Variants in ARHGAP45 observed in about 807,000 individuals in gnomAD.
The protein encoded by ARHGAP45 is rho GTPase-activating protein 45.
In ARHGAP45, 56 loss-of-function variants were observed where a neutral mutation model predicts 116.1. The ratio of observed to expected loss-of-function variants is 0.48; its 90% CI spans 0.39 to 0.60. The LOEUF is 0.60. Among genes scored for constraint, ARHGAP45 ranks in the 20% least tolerant of loss-of-function variants. The pLI, the probability that ARHGAP45 is intolerant of heterozygous loss-of-function variation, is 0.00. For synonymous variants in ARHGAP45, 866 were observed against 701.7 expected, an observed-to-expected ratio of 1.23 and a Z score of -3.70; for missense variants, 1,622 against 1,601.0, an observed-to-expected ratio of 1.01 and a Z score of -0.22.
rs2043200599 is a variant in ARHGAP45, at chr19:1,074,529, G to A, written c.994-85G>A. 4.2e-6 allele frequency: 6 copies of A among 1,413,098 alleles called. No individual in the cohort carries two copies. The South Asian group carries it at 5.5e-5, about 13-fold the overall frequency. 87.5% of individuals were successfully genotyped at this position (1,413,098 alleles called of 1,614,324 possible). On this transcript the variant is annotated intron_variant, in intron 8 of 22. Transcript: ENST00000313093. ...CTCTACATTAACGGGGGTGGCTGCA[G>A]GGACCAGGGAGCTGGTGGCTGGGGG...
At chr19:1,075,546 G>C (rs2043230034) in intron 10 of ARHGAP45, among the ~76,000 whole-genome samples, 1 of 152,032 alleles carries the variant, frequency 6.6e-6, no homozygotes, top group Non-Finnish European at 1.5e-5. Flanking sequence ...CACCCACCCG[G>C]CCTCCTGCCT....
intron 22 of ARHGAP45, among the ~76,000 whole-genome samples, chr19:1,084,560 C>T (rs1411907375): frequency 6.6e-6 from 1 of 152,240 alleles, no homozygotes; most frequent in Non-Finnish European, 1.5e-5. Flanking sequence ...TTTGAGGTGC[C>T]TACCCCGCAC....
intron 11 of ARHGAP45, among the ~76,000 whole-genome samples, chr19:1,078,437 C>G (rs1403392996): frequency 2.7e-5 from 4 of 146,280 alleles, no homozygotes; most frequent in African/African-American, 1.0e-4. Context: ...GCCACTGCGC[C>G]CGGCCAATTT....
Position 1,086,036 on chromosome 19 carries a change from TTC to T in ARHGAP45, c.*36_*37del, listed in dbSNP as rs3834649. 3.3e-4 allele frequency: 521 copies of T among 1,578,076 alleles called. 1 individual carries two copies. The East Asian group carries it at 0.01, about 32-fold the overall frequency. On this transcript the variant is annotated 3_prime_UTR_variant, in exon 23 of 23. Coordinates refer to ENST00000313093, the MANE Select transcript of ARHGAP45 (RefSeq NM_012292.5). ...GGGTGGGGCTGGGACCACAGGTGGC[TTC>T]TCTCTTGCCTGCTCCTGTCCCTCCA...
In ARHGAP45 at chr19:1,068,451, C is replaced by G. The variant is rs867406968; in HGVS notation, c.128C>G (p.Pro43Arg). The G allele has an allele frequency of 2.5e-6, 4 of 1,580,338 alleles. No homozygotes were observed. In the African/African-American group the frequency reaches 5.4e-5, roughly 21 times the overall value. ...AAGGATGGGGCTGACGCGGTGTTCC[C>G]CGGACCAAGCCTGGAGCCGCCCGCT... ...PRKDGADAVFPGPSLEPPAGS... is the reference protein window; with the variant it reads ...PRKDGADAVFRGPSLEPPAGS... The change falls in exon 2 of 23, where the codon CCC becomes CGC. Residue 43 changes from proline to arginine, a missense_variant. Around this residue, in one of 3 missense-constraint regions of ARHGAP45, gnomAD observed 279 missense variants for 311.9 expected, o/e 0.89. Coordinates refer to ENST00000313093, the MANE Select transcript of ARHGAP45 (RefSeq NM_012292.5). This position sits in a 1 kb window ranked among gnomAD's most constrained non-coding sequence, Gnocchi z 7.5.
chr19:1,073,947 G>C lies in ARHGAP45; in HGVS notation c.724-1G>C, dbSNP rs1374873145. 1 of 1,572,288 alleles carries C rather than the reference G, an allele frequency of 6.4e-7. No individual in the cohort carries two copies. The highest frequency in any genetic ancestry group is 8.6e-7 in the Non-Finnish European group (1 of 1,159,668). Reference sequence around the variant, plus strand: ...GTCTCACCTGCGTCTCCGTCCTACAGTCCATGGAAAGCCTGTATGGACCGG... The same window carrying C: ...GTCTCACCTGCGTCTCCGTCCTACACTCCATGGAAAGCCTGTATGGACCGG... On this transcript the variant is annotated splice_acceptor_variant, in intron 5 of 22. Transcript: ENST00000313093. LOFTEE classifies it high-confidence loss of function.
intron 11 of ARHGAP45, among the ~76,000 whole-genome samples, chr19:1,078,321 T>C (rs536414470): frequency 2.0e-5 from 3 of 151,810 alleles, no homozygotes; most frequent in Non-Finnish European, 4.4e-5. Context: ...TTTTTTGTAT[T>C]TTTAGTAGAG....
intron 10 of ARHGAP45, chr19:1,077,229 C>T (rs916487711): frequency 9.1e-6 from 9 of 985,338 alleles, no homozygotes; most frequent in Non-Finnish European, 1.1e-5. Flanking sequence ...GAGACGCTCC[C>T]GTGGGGGCTG....
rs1305593401 is a variant in ARHGAP45, at chr19:1,071,174, C to A, written c.422-1975C>A. 7.5e-7 allele frequency: 1 copy of A among 1,338,994 alleles called. No individual in the cohort carries two copies. Among genetic ancestry groups the A allele is most frequent in the Non-Finnish European group, 9.6e-7 (1 of 1,046,704 alleles). 82.9% of individuals were successfully genotyped at this position (1,338,994 alleles called of 1,614,324 possible). A position where few individuals can be genotyped will look rare whatever the true frequency, so the allele number is the denominator to read the frequency against. Reference sequence around the variant, plus strand: ...GAACGGGACCCCAGGGCGGGGTTTCCCTCGCGGGGGCGGGGCCTCCTGACC... The same window carrying A: ...GAACGGGACCCCAGGGCGGGGTTTCACTCGCGGGGGCGGGGCCTCCTGACC... On this transcript the variant is annotated intron_variant, in intron 2 of 22. Coordinates refer to ENST00000313093, the MANE Select transcript of ARHGAP45 (RefSeq NM_012292.5). The surrounding 1 kb of genome is among the most constrained non-coding windows in gnomAD (Gnocchi z 4.6).
chr19:1,079,903 C>CA, intron 12 of ARHGAP45, 25 bp from the exon 13 acceptor site: 4 of 1,600,026 alleles, frequency 2.5e-6, no homozygotes, highest in Non-Finnish European at 3.4e-6. Context: ...CTCCTGACCC[C>CA]TCCGCTCTCC....
upstream of ARHGAP45, chr19:1,066,426 G>A: frequency 1.9e-6 from 1 of 528,472 alleles, no homozygotes; most frequent in Admixed American, 3.3e-5. Context: ...TCACTGGAAT[G>A]CAGCTTGGGA....
At position 1,068,475 on chromosome 19, in the gene ARHGAP45, C is replaced by A; in HGVS notation, c.152C>A (p.Ala51Asp). 2 of 1,584,486 alleles carry A rather than the reference C, an allele frequency of 1.3e-6. No homozygotes were observed. The highest frequency in any genetic ancestry group is 2.3e-5 in the East Asian group (1 of 43,022). ...VFPGPSLEPPAGSSGVKATGT... is the reference protein window; with the variant it reads ...VFPGPSLEPPDGSSGVKATGT... Reference sequence around the variant, plus strand: ...CCCGGACCAAGCCTGGAGCCGCCCGCTGGGTCCTCCGGCGTCAAGGCCACA... The same window carrying A: ...CCCGGACCAAGCCTGGAGCCGCCCGATGGGTCCTCCGGCGTCAAGGCCACA... The change falls in exon 2 of 23, where the codon GCT becomes GAT. Residue 51 changes from alanine to aspartate, a missense_variant. Around this residue, in one of 3 missense-constraint regions of ARHGAP45, gnomAD observed 279 missense variants for 311.9 expected, o/e 0.89. Coordinates refer to ENST00000313093, the MANE Select transcript of ARHGAP45 (RefSeq NM_012292.5). The surrounding 1 kb of genome is among the most constrained non-coding windows in gnomAD (Gnocchi z 7.5).
Position 1,081,938 on chromosome 19 carries a change from G to A in ARHGAP45, c.2494G>A (p.Val832Ile), listed in dbSNP as rs1437983478. Reference sequence around the variant, plus strand: ...GGCCTCGCCCCACGACATCAGCAACGTCCTCAAGCTCTACCTGCGTCAGGT... The same window carrying A: ...GGCCTCGCCCCACGACATCAGCAACATCCTCAAGCTCTACCTGCGTCAGGT... ...SQASPHDISNVLKLYLRQLPE... is the reference protein window; with the variant it reads ...SQASPHDISNILKLYLRQLPE... The change falls in exon 19 of 23, where the codon GTC becomes ATC. Residue 832 changes from valine (V) to isoleucine (I), a missense_variant. By Grantham distance (29) the Val-to-Ile change is conservative. This residue lies in a region of ARHGAP45 where 1,334 missense variants were observed against 1,263.8 expected (regional missense o/e 1.06). Transcript: ENST00000313093. 3 of 1,612,344 alleles carry A rather than the reference G, an allele frequency of 1.9e-6. No homozygotes were observed. Among genetic ancestry groups the A allele is most frequent in the Admixed American group, 1.7e-5 (1 of 60,004 alleles).
Position 1,085,991 on chromosome 19 carries a change from G to A in ARHGAP45, c.3396G>A (p.Gln1132=), listed in dbSNP as rs1353838782. Residue 1132 remains glutamine, a synonymous_variant, in exon 23 of 23, where the codon CAG becomes CAA. Transcript: ENST00000313093. The part of the protein sequence containing the change: ...RMTLGSCRER[Q]PEFV ...CACTGGGCTCCTGCAGGGAAAGGCAGCCGGAATTCGTGTGAGCTGGGGTGG... is the reference window on the plus strand; with the variant it reads ...CACTGGGCTCCTGCAGGGAAAGGCAACCGGAATTCGTGTGAGCTGGGGTGG... 1 of 1,612,242 alleles carries A rather than the reference G, an allele frequency of 6.2e-7. No individual in the cohort carries two copies. Among genetic ancestry groups the A allele is most frequent in the Non-Finnish European group, 8.5e-7 (1 of 1,179,546 alleles).
intron 22 of ARHGAP45, 97 bp from the exon 23 acceptor site, chr19:1,085,562 CT>C (rs768030225): frequency 2.8e-5 from 25 of 888,244 alleles, no homozygotes; most frequent in African/African-American, 2.5e-4. Context: ...TCTCTCCCCC[CT>C]CTCCTGTCTC....
intron 21 of ARHGAP45, 88 bp downstream of exon 21, chr19:1,083,441 C>G: frequency 1.7e-6 from 2 of 1,174,644 alleles, no homozygotes; most frequent in Non-Finnish European, 2.4e-6. Flanking sequence ...GGATGAAGCC[C>G]AAGGAACCAC....
At position 1,068,862 on chromosome 19, in the gene ARHGAP45, T is replaced by A; in HGVS notation, c.421+118T>A. The A allele has an allele frequency of 5.1e-6, 5 of 977,400 alleles. No homozygotes were observed. The highest frequency in any genetic ancestry group is 1.6e-5 in the African/African-American group (1 of 60,900). The allele number at this position is 977,400 out of a possible 1,614,324, so 60.5% of individuals were successfully genotyped here. On this transcript the variant is annotated intron_variant, in intron 2 of 22. Coordinates refer to ENST00000313093, the MANE Select transcript of ARHGAP45 (RefSeq NM_012292.5). The surrounding 1 kb of genome is among the most constrained non-coding windows in gnomAD (Gnocchi z 7.5). ...GGGAGGCTCAGATGGCAGGGAGGGC[T>A]GTGTGGAAGAGGCCATGACAGCTAA... is the stretch of plus-strand genomic sequence containing the variant.
rs754085488 is a variant in ARHGAP45 at position 1,073,913 on chromosome 19, A to G, written c.724-35A>G. ...GGGTGGGCACTGCCCAGGGCCCCGC[A>G]TGGGGCTGGTCTCACCTGCGTCTCC... is the stretch of plus-strand genomic sequence containing the variant. On this transcript the variant is annotated intron_variant, in intron 5 of 22. Transcript: ENST00000313093. 13 of 1,533,272 alleles carry G rather than the reference A, an allele frequency of 8.5e-6. No individual in the cohort carries two copies. The South Asian group carries it at 1.5e-4, about 17-fold the overall frequency. The allele number at this position is 1,533,272 out of a possible 1,614,324, so 95.0% of individuals were successfully genotyped here.
chr19:1,081,022 G>A lies in ARHGAP45; in HGVS notation c.2148G>A (p.Glu716=). ...RKLRTPAKCR[E]CNSYVYFQGA... Reference sequence around the variant, plus strand: ...TCCGCACGCCCGCCAAGTGCCGCGAGTGCAACAGCTACGTCTACTTCCAGG... The same window carrying A: ...TCCGCACGCCCGCCAAGTGCCGCGAATGCAACAGCTACGTCTACTTCCAGG... Residue 716 remains glutamate, a synonymous_variant, in exon 17 of 23, where the codon GAG becomes GAA. Transcript: ENST00000313093. The A allele has an allele frequency of 1.9e-6, 3 of 1,609,274 alleles. No homozygotes were observed. Among genetic ancestry groups the A allele is most frequent in the Non-Finnish European group, 1.7e-6 (2 of 1,178,644 alleles).
Sources: gnomAD v4.1 joint callset for allele counts (sites outside exome capture counted in the v4.1 genomes callset) on GRCh38, gnomAD v4.1.1 for gene constraint, gnomAD v4.1.1 regional missense constraint, Gnocchi (gnomAD v3.1) non-coding constraint, MANE v1.5 for transcripts, NCBI Gene and HGNC (gene_info 2026-07-23, HGNC 2026-07-21) for gene names.